TMEM272: variants seen among roughly 807,000 people sequenced by gnomAD.
The protein encoded by TMEM272 is long intergenic non-protein coding RNA 282.
A neutral mutation model predicts 3.7 loss-of-function variants in TMEM272; 8 were observed. The observed-to-expected ratio is 2.17, with a 90% CI of 1.27 to 3.91. The LOEUF is 3.91. TMEM272 is among the 30% of genes most tolerant of loss of function. The pLI is 0.00. For missense variants in TMEM272, 166 were observed against 91.5 expected (o/e 1.81, Z -3.32); for synonymous variants, 63 against 39.8 (o/e 1.58, Z -2.20).
At chr13:51,919,518 C>G in the TMEM272 span, among the ~76,000 whole-genome samples, 28 of 148,784 alleles carry the variant, frequency 1.9e-4, no homozygotes, top group African/African-American at 6.4e-4. Flanking sequence ...GTGTCTAGAA[C>G]AATACATAAA....
the TMEM272 span, among the ~76,000 whole-genome samples, chr13:51,880,095 A>C: frequency 2.0e-5 from 3 of 152,212 alleles, no homozygotes; most frequent in African/African-American, 7.2e-5. Flanking sequence ...GTCGTCAACG[A>C]AACTGTAGAT....
At chr13:51,874,806 G>T in the TMEM272 span, among the ~76,000 whole-genome samples, 22 of 152,184 alleles carry the variant, frequency 1.4e-4, no homozygotes, top group Non-Finnish European at 2.9e-4. Flanking sequence ...AGCCAGAAGC[G>T]CTGGTTTTGC....
the TMEM272 span, chr13:51,934,038 A>T: frequency 2.6e-5 from 4 of 153,674 alleles, no homozygotes; most frequent in Admixed American, 1.3e-4. Flanking sequence ...CCTCAACTTG[A>T]AGAAGAGTGT....
the TMEM272 span, among the ~76,000 whole-genome samples, chr13:51,917,768 G>A: frequency 2.0e-5 from 3 of 152,166 alleles, no homozygotes; most frequent in Non-Finnish European, 2.9e-5. Context: ...TGACAAAAGT[G>A]CCTGCAGCAG....
the TMEM272 span, among the ~76,000 whole-genome samples, chr13:51,899,486 T>C: frequency 1.3e-5 from 2 of 152,126 alleles, no homozygotes; most frequent in African/African-American, 4.8e-5. Flanking sequence ...TAAGATATCA[T>C]GAAAGAAATT....
At chr13:51,928,919 C>G in the TMEM272 span, among the ~76,000 whole-genome samples, 1 of 152,312 alleles carries the variant, frequency 6.6e-6, no homozygotes, top group South Asian at 2.1e-4. Flanking sequence ...GTTATCCAGG[C>G]TGGGTGTGGT....
intron 4 of TMEM272, among the ~76,000 whole-genome samples, chr13:51,818,491 G>A (rs1396183809): frequency 6.6e-6 from 1 of 152,196 alleles, no homozygotes; most frequent in Admixed American, 6.5e-5. Flanking sequence ...GGGGTTACCC[G>A]TGAGGAGGTG....
the TMEM272 span, among the ~76,000 whole-genome samples, chr13:51,900,946 G>A: frequency 6.6e-6 from 1 of 152,176 alleles, no homozygotes. Context: ...TAGATACAAG[G>A]TTGCCAGGAA....
At chr13:51,885,709 G>A in the TMEM272 span, among the ~76,000 whole-genome samples, 6 of 152,110 alleles carry the variant, frequency 3.9e-5, no homozygotes, top group African/African-American at 1.4e-4. Flanking sequence ...CCAGGCTCTG[G>A]GCTGGCTTTA....
chr13:51,928,629 G>C, the TMEM272 span, among the ~76,000 whole-genome samples: 1 of 152,138 alleles, frequency 6.6e-6, no homozygotes, highest in South Asian at 2.1e-4. Context: ...TCCTAGCTCA[G>C]GGCAGTAATG....
At chr13:51,910,022 A>C in the TMEM272 span, 1 of 1,498,932 alleles carries the variant, frequency 6.7e-7, no homozygotes, top group South Asian at 1.1e-5. Flanking sequence ...GTTTTTCTTC[A>C]TTCATTTGAA....
chr13:51,891,174 G>A, the TMEM272 span, among the ~76,000 whole-genome samples: 1 of 152,170 alleles, frequency 6.6e-6, no homozygotes, highest in Non-Finnish European at 1.5e-5. Flanking sequence ...TCAAGGAAAA[G>A]CCTTCATTAT....
chr13:51,895,567 C>G, the TMEM272 span, among the ~76,000 whole-genome samples: 1 of 152,060 alleles, frequency 6.6e-6, no homozygotes, highest in Non-Finnish European at 1.5e-5. Flanking sequence ...GGACATTTAT[C>G]CATCTACCTG....
intron 2 of TMEM272, among the ~76,000 whole-genome samples, chr13:51,836,681 T>G (rs1386187543): frequency 6.6e-6 from 1 of 152,198 alleles, no homozygotes; most frequent in Non-Finnish European, 1.5e-5. Context: ...CAAGTACTGC[T>G]TGTCATCAAA....
chr13:51,820,827 G>A (rs1780001341), intron 4 of TMEM272, among the ~76,000 whole-genome samples: 1 of 152,202 alleles, frequency 6.6e-6, no homozygotes, highest in Admixed American at 6.5e-5. Context: ...AGAGTCCCAG[G>A]TAGATCCCAT....
At chr13:51,880,274 C>T in the TMEM272 span, among the ~76,000 whole-genome samples, 1 of 26,446 alleles carries the variant, frequency 3.8e-5, no homozygotes, top group African/African-American at 1.8e-4. Context: ...ATTCCTTTCA[C>T]CAAAAAAAAA....
the TMEM272 span, among the ~76,000 whole-genome samples, chr13:51,892,843 T>C: frequency 6.6e-6 from 1 of 152,186 alleles, no homozygotes; most frequent in Non-Finnish European, 1.5e-5. Context: ...AATGGCTTCC[T>C]GCAGTTGCTA....
intron 3 of TMEM272, among the ~76,000 whole-genome samples, chr13:51,822,383 G>A (rs892746548): frequency 4.6e-5 from 7 of 152,224 alleles, no homozygotes; most frequent in Non-Finnish European, 7.4e-5. Flanking sequence ...ACCAGGTGTC[G>A]CTGCACCTTT....
chr13:51,852,617 A>T, the TMEM272 span, among the ~76,000 whole-genome samples: 15 of 152,144 alleles, frequency 9.9e-5, no homozygotes, highest in East Asian at 5.8e-4. Context: ...CGGTGGCTCA[A>T]GCCTGTAATC....
Sources: allele counts gnomAD v4.1 joint callset (sites outside exome capture counted in the v4.1 genomes callset), GRCh38; gene constraint gnomAD v4.1.1; transcripts MANE v1.5; gene names NCBI Gene and HGNC (gene_info 2026-07-23, HGNC 2026-07-21).